Variants in MTA3 observed in about 807,000 individuals in gnomAD.
MTA3 encodes metastasis-associated protein MTA3.
A neutral mutation model predicts 83.5 loss-of-function variants in MTA3; 34 were observed. The observed-to-expected ratio is 0.41, with a 90% CI of 0.31 to 0.54. The LOEUF is 0.54. Among genes scored for constraint, MTA3 ranks in the 20% least tolerant of loss-of-function variants. The pLI is 0.33. For synonymous variants in MTA3, 303 were observed against 252.7 expected (o/e 1.20, Z -1.89); for missense variants, 761 against 726.4 (o/e 1.05, Z -0.55).
rs146057539 is a variant in MTA3, at chr2:42,696,995, A to G, written c.967-781A>G. Among the ~76,000 whole-genome samples the G allele has an allele frequency of 5.2e-3, 790 of 152,322 alleles. 9 individuals carry two copies. Among genetic ancestry groups the G allele is most frequent in the African/African-American group, 0.018 (754 of 41,568 alleles). The stretch of plus-strand genomic sequence containing the variant: ...AAAGTAGATAATATTCTTTCCAAAA[A>G]CTTCAACCCTGTTCTAAAAGTTTCA... On this transcript the variant is annotated intron_variant, in intron 10 of 16. Coordinates refer to ENST00000405094, the MANE Select transcript of MTA3 (RefSeq NM_001330442.2).
intron 2 of MTA3, among the ~76,000 whole-genome samples, chr2:42,504,582 A>G (rs780220629): frequency 1.3e-5 from 2 of 152,008 alleles, no homozygotes; most frequent in African/African-American, 2.4e-5. Context: ...CCAGAGGGAC[A>G]TGTCGCTCCT....
In MTA3 at chr2:42,708,366, C is replaced by T. The variant is rs149889967; in HGVS notation, c.1302+312C>T. On this transcript the variant is annotated intron_variant, in intron 13 of 16. Transcript: ENST00000405094. ...CGTAACCTTTACATTCTGTTGAAGG[C>T]GTGTCTTACTACATAAAGTCATAAA... Among the ~76,000 whole-genome samples, 578 of 152,262 alleles carry T rather than the reference C, an allele frequency of 3.8e-3. 4 individuals carry two copies. Among genetic ancestry groups the T allele is most frequent in the African/African-American group, 0.012 (508 of 41,542 alleles).
intron 3 of MTA3, among the ~76,000 whole-genome samples, chr2:42,590,412 A>C (rs1170586231): frequency 6.6e-6 from 1 of 152,092 alleles, no homozygotes; most frequent in Non-Finnish European, 1.5e-5. Flanking sequence ...ATCGCTGCAT[A>C]CTGGTTCCCC....
chr2:42,730,203 G>A (rs1010257763), intron 16 of MTA3, among the ~76,000 whole-genome samples: 2 of 152,036 alleles, frequency 1.3e-5, no homozygotes, highest in African/African-American at 2.4e-5. Flanking sequence ...CCAATTTGAT[G>A]ACTTTTTTTT....
chr2:42,609,969 A>G (rs1164353916), intron 4 of MTA3, among the ~76,000 whole-genome samples: 1 of 152,168 alleles, frequency 6.6e-6, no homozygotes, highest in African/African-American at 2.4e-5. Context: ...GCGTGGTGGT[A>G]TGCACCTGTA....
At chr2:42,710,528 G>A (rs898107163) in intron 14 of MTA3, among the ~76,000 whole-genome samples, 4 of 135,500 alleles carry the variant, frequency 3.0e-5, no homozygotes, top group Non-Finnish European at 6.1e-5. Context: ...TCCAGCCTGG[G>A]CAATGAGCGA....
chr2:42,689,780 T>A (rs1289183789), intron 9 of MTA3, among the ~76,000 whole-genome samples: 1 of 151,220 alleles, frequency 6.6e-6, no homozygotes, highest in East Asian at 1.9e-4. Flanking sequence ...TGTCTTTTTT[T>A]TTTTTTCTTT....
intron 2 of MTA3, among the ~76,000 whole-genome samples, chr2:42,520,709 G>T (rs992739612): frequency 6.6e-6 from 1 of 151,984 alleles, no homozygotes; most frequent in Non-Finnish European, 1.5e-5. Flanking sequence ...AGGACTACAG[G>T]TGTGCACCAC....
chr2:42,494,311 A>C (rs6760754), upstream of MTA3, among the ~76,000 whole-genome samples: 101,825 of 152,016 alleles, frequency 0.67, 34,582 homozygotes, highest in Middle Eastern at 0.82. Context: ...ATCGGGATGA[A>C]TTGGGCAGTC....
At chr2:42,624,559 G>A (rs910969949) in intron 4 of MTA3, among the ~76,000 whole-genome samples, 9 of 152,060 alleles carry the variant, frequency 5.9e-5, no homozygotes, top group Non-Finnish European at 8.8e-5. Context: ...AACTGCTGAC[G>A]TTGTGATCCA....
chr2:42,555,100 C>T (rs1677312975), intron 2 of MTA3, among the ~76,000 whole-genome samples: 1 of 151,724 alleles, frequency 6.6e-6, no homozygotes, highest in South Asian at 2.1e-4. Flanking sequence ...TTGCAGTGAG[C>T]CGGGATCTAT....
chr2:42,621,632 A>G (rs1167327355), intron 4 of MTA3, among the ~76,000 whole-genome samples: 1 of 152,222 alleles, frequency 6.6e-6, no homozygotes, highest in Non-Finnish European at 1.5e-5. Flanking sequence ...CCCGTTCTCA[A>G]TGAGCTGTTG....
At chr2:42,570,716 A>G (rs1192651017) in intron 2 of MTA3, among the ~76,000 whole-genome samples, 6 of 151,932 alleles carry the variant, frequency 3.9e-5, no homozygotes, top group Non-Finnish European at 2.9e-5. Flanking sequence ...ATTAATATAA[A>G]AAGTAAAAAT....
At chr2:42,652,966 A>C (rs974658885) in intron 6 of MTA3, among the ~76,000 whole-genome samples, 22 of 152,214 alleles carry the variant, frequency 1.4e-4, no homozygotes, top group Admixed American at 1.4e-3. Context: ...GAATGTTTCA[A>C]ATTGCCTAGG....
chr2:42,527,005 G>C (rs1360867154), intron 2 of MTA3, among the ~76,000 whole-genome samples: 6 of 126,296 alleles, frequency 4.8e-5, no homozygotes, highest in Non-Finnish European at 9.3e-5. Context: ...AGTGAGCTGA[G>C]ATCCCGCCAC....
At chr2:42,743,088 G>C (rs1392937896) in intron 16 of MTA3, among the ~76,000 whole-genome samples, 1 of 152,200 alleles carries the variant, frequency 6.6e-6, no homozygotes, top group East Asian at 1.9e-4. Context: ...CTGACCTTGA[G>C]ACAGTAGAAT....
chr2:42,617,765 C>T (rs759651840), intron 4 of MTA3, among the ~76,000 whole-genome samples: 5 of 149,066 alleles, frequency 3.4e-5, no homozygotes, highest in Non-Finnish European at 4.4e-5. Context: ...AACAACAGTG[C>T]AACTCTGCCT....
intron 8 of MTA3, among the ~76,000 whole-genome samples, chr2:42,675,730 T>A (rs62142752): frequency 0.011 from 1,681 of 152,344 alleles, 22 homozygotes; most frequent in Non-Finnish European, 0.018. Flanking sequence ...GGTCCTGTGT[T>A]ATGTTACTGT....
At chr2:42,688,715 G>T (rs1277070932) in intron 9 of MTA3, among the ~76,000 whole-genome samples, 2 of 150,950 alleles carry the variant, frequency 1.3e-5, no homozygotes, top group Non-Finnish European at 2.9e-5. Flanking sequence ...GTTATAGTCG[G>T]TTTTTTTGGT....
Sources: gnomAD v4.1 joint callset for allele counts (sites outside exome capture counted in the v4.1 genomes callset) on GRCh38, gnomAD v4.1.1 for gene constraint, MANE v1.5 for transcripts, NCBI Gene and HGNC (gene_info 2026-07-23, HGNC 2026-07-21) for gene names.